The following GPATCH8 variants were observed in gnomAD, a reference collection of about 807,000 sequenced individuals.
GPATCH8 encodes G patch domain-containing protein 8.
GPATCH8 carries 18 observed loss-of-function variants against 118.3 expected under a neutral mutation model. The observed-to-expected ratio is 0.15, with a 90% CI of 0.11 to 0.23. The LOEUF is 0.23. Among genes scored for constraint, GPATCH8 ranks in the 10% least tolerant of loss-of-function variants. The probability of loss-of-function intolerance (pLI) is 1.00; values close to 1 mark genes in which losing one functional copy is unlikely to be tolerated. For missense variants in GPATCH8, 1,631 were observed against 1,873.8 expected (o/e 0.87, Z 2.39); for synonymous variants, 659 against 684.7 (o/e 0.96, Z 0.59).
At chr17:44,470,680 T>A (rs1427230100) in intron 2 of GPATCH8, among the ~76,000 whole-genome samples, 1 of 152,240 alleles carries the variant, frequency 6.6e-6, no homozygotes, top group East Asian at 1.9e-4. Flanking sequence ...TGGCTACTTT[T>A]TGTATTTTTA....
chr17:44,403,702 T>C (rs2049113392), intron 7 of GPATCH8, among the ~76,000 whole-genome samples: 1 of 152,036 alleles, frequency 6.6e-6, no homozygotes, highest in East Asian at 1.9e-4. Flanking sequence ...TTTTTTTTTT[T>C]TTTCTCCCAA....
intron 2 of GPATCH8, among the ~76,000 whole-genome samples, chr17:44,466,780 G>A (rs2051781864): frequency 6.6e-6 from 1 of 152,148 alleles, no homozygotes; most frequent in South Asian, 2.1e-4. Context: ...TTCTAGGAAG[G>A]ACAAGGATAG....
intron 5 of GPATCH8, among the ~76,000 whole-genome samples, chr17:44,426,973 C>A (rs1193210616): frequency 6.6e-6 from 1 of 151,746 alleles, no homozygotes; most frequent in Non-Finnish European, 1.5e-5. Flanking sequence ...ATGTATCTTT[C>A]AAATATAGGG....
chr17:44,400,212 A>G lies in GPATCH8; in HGVS notation c.1865T>C (p.Ile622Thr), dbSNP rs752786047. 1.9e-6 allele frequency: 3 copies of G among 1,613,288 alleles called. No homozygotes were observed. The highest frequency in any genetic ancestry group is 1.7e-6 in the Non-Finnish European group (2 of 1,179,894). ...CATTCTGCCTCCTGAGGAACGTACTATTTTCTCTCCGCCCACTTCCTTGCT... is the reference window on the plus strand; with the variant it reads ...CATTCTGCCTCCTGAGGAACGTACTGTTTTCTCTCCGCCCACTTCCTTGCT... ...NKSKEVGGEKIVRSSGGRMDA... is the reference protein window; with the variant it reads ...NKSKEVGGEKTVRSSGGRMDA... Residue 622 changes from isoleucine to threonine, a missense_variant, in exon 8 of 8, where the codon ATA (isoleucine) becomes ACA (threonine). By Grantham distance (89) the Ile-to-Thr change is moderately conservative. Transcript: ENST00000591680.
intron 5 of GPATCH8, 46 bp downstream of exon 5, chr17:44,435,019 C>CA (rs1378835092): frequency 2.4e-6 from 2 of 846,518 alleles, no homozygotes. Flanking sequence ...CTTTCTTATT[C>CA]AGTGAGCACC....
intron 7 of GPATCH8, among the ~76,000 whole-genome samples, chr17:44,405,209 CTTTT>C (rs542901574): frequency 2.2e-5 from 3 of 138,016 alleles, no homozygotes; most frequent in Admixed American, 1.5e-4. Context: ...GTTTATAATT[CTTTT>C]TTTTTTTTTT....
chr17:44,426,844 ACACACT>A (rs1166514055), intron 5 of GPATCH8, among the ~76,000 whole-genome samples: 53 of 90,690 alleles, frequency 5.8e-4, no homozygotes, highest in African/African-American at 1.1e-3. Context: ...CAACACACAC[ACACACT>A]CTCTCTCTCT....
intron 1 of GPATCH8, among the ~76,000 whole-genome samples, chr17:44,477,808 C>T (rs1967898027): frequency 6.6e-6 from 1 of 151,880 alleles, no homozygotes; most frequent in Non-Finnish European, 1.5e-5. Flanking sequence ...TCCTGAAAGT[C>T]TTTTTGTTTT....
At chr17:44,474,640 C>G (rs1967581901) in intron 2 of GPATCH8, 189 bp downstream of exon 2, 2 of 671,882 alleles carry the variant, frequency 3.0e-6, no homozygotes, top group South Asian at 3.2e-5. Flanking sequence ...TTTTTTTGGA[C>G]TGATTTCCCA....
intron 3 of GPATCH8, among the ~76,000 whole-genome samples, chr17:44,461,491 C>T (rs2051547590): frequency 1.3e-5 from 2 of 151,946 alleles, no homozygotes; most frequent in African/African-American, 4.8e-5. Flanking sequence ...GCTATGTTAT[C>T]CGTTTTTTAA....
intron 2 of GPATCH8, chr17:44,464,759 G>A (rs749554342): frequency 5.5e-6 from 3 of 543,096 alleles, no homozygotes; most frequent in Non-Finnish European, 9.9e-6. Flanking sequence ...ATGGGGTAAG[G>A]GTCCTTTCTG....
chr17:44,429,687 A>ACACACACACAG (rs58829323), intron 5 of GPATCH8, among the ~76,000 whole-genome samples: 2 of 73,668 alleles, frequency 2.7e-5, no homozygotes, highest in Non-Finnish European at 7.4e-5. Context: ...CACACACACA[A>ACACACACACAG]AACAACAAAC....
At chr17:44,498,317 C>T (rs1045053452) in intron 1 of GPATCH8, among the ~76,000 whole-genome samples, 1 of 152,172 alleles carries the variant, frequency 6.6e-6, no homozygotes, top group Non-Finnish European at 1.5e-5. Flanking sequence ...TTTCTTCCTG[C>T]CTCCCATGCC....
chr17:44,495,252 T>C (rs1241932847), intron 1 of GPATCH8, among the ~76,000 whole-genome samples: 1 of 152,138 alleles, frequency 6.6e-6, no homozygotes, highest in Non-Finnish European at 1.5e-5. Context: ...GAGAATTGCT[T>C]GAACCCAGGA....
chr17:44,428,239 T>C (rs2050160119), intron 5 of GPATCH8, among the ~76,000 whole-genome samples: 1 of 152,094 alleles, frequency 6.6e-6, no homozygotes, highest in African/African-American at 2.4e-5. Flanking sequence ...ATTCCTGTAA[T>C]CCCAGCACTT....
Position 44,412,860 on chromosome 17 carries a change from C to G in GPATCH8, c.493-6809G>C, listed in dbSNP as rs575838587. Among the ~76,000 whole-genome samples, 7 of 152,270 alleles carry G rather than the reference C, an allele frequency of 4.6e-5. No homozygotes were observed. The South Asian group carries it at 8.3e-4, about 18-fold the overall frequency. On this transcript the variant is annotated intron_variant, in intron 6 of 7. Coordinates refer to ENST00000591680, the MANE Select transcript of GPATCH8 (RefSeq NM_001002909.4). ...ACTGTTTTTTTTCCCCCTCCCTCTA[C>G]AACAAAACATTAATGTCTGTCTCCT...
intron 6 of GPATCH8, among the ~76,000 whole-genome samples, chr17:44,411,317 GAC>G (rs1178525894): frequency 5.9e-5 from 9 of 152,174 alleles, no homozygotes; most frequent in Non-Finnish European, 1.2e-4. Flanking sequence ...AGTTGAGTAA[GAC>G]ACACATTTCT....
intron 6 of GPATCH8, among the ~76,000 whole-genome samples, chr17:44,408,290 A>G (rs990563438): frequency 2.6e-5 from 4 of 151,910 alleles, no homozygotes; most frequent in African/African-American, 7.3e-5. Context: ...GGTCCAAGCA[A>G]TTCTCCTGCC....
Position 44,483,216 on chromosome 17 carries a change from T to TATACAC in GPATCH8, c.46-8314_46-8313insGTGTAT, listed in dbSNP as rs1438103360. Among the ~76,000 whole-genome samples the TATACAC allele has an allele frequency of 2.3e-5, 2 of 87,608 alleles. 1 individual carries two copies. The highest frequency in any genetic ancestry group is 9.1e-4 in the East Asian group (2 of 2,200). 57.5% of individuals were successfully genotyped at this position (87,608 alleles called of 152,430 possible). A position where few individuals can be genotyped will look rare whatever the true frequency, so the allele number is the denominator to read the frequency against. On this transcript the variant is annotated intron_variant, in intron 1 of 7. Coordinates refer to ENST00000591680, the MANE Select transcript of GPATCH8 (RefSeq NM_001002909.4). Reference sequence around the variant, plus strand: ...ATATATATATATATATATATATATATACAGCCTACCTCTCATATCTCTTAG... The same window carrying TATACAC: ...ATATATATATATATATATATATATATATACACACAGCCTACCTCTCATATCTCTTAG...
Sources: allele counts gnomAD v4.1 joint callset (sites outside exome capture counted in the v4.1 genomes callset), GRCh38; gene constraint gnomAD v4.1.1; transcripts MANE v1.5; gene names NCBI Gene and HGNC (gene_info 2026-07-23, HGNC 2026-07-21).